Variants in RECK observed in about 807,000 individuals in gnomAD.
The protein encoded by RECK is reversion-inducing cysteine-rich protein with Kazal motifs.
Under a neutral mutation model 115.1 loss-of-function variants are expected in RECK, and 69 were observed. The observed-to-expected ratio is 0.60, with a 90% CI of 0.49 to 0.73. The LOEUF is 0.73. Among genes scored for constraint, RECK ranks in the 30% least tolerant of loss-of-function variants. The probability of loss-of-function intolerance (pLI) is 0.00; values close to 1 mark genes in which losing one functional copy is unlikely to be tolerated. For missense variants in RECK, 1,047 were observed against 1,203.7 expected (o/e 0.87, Z 1.93); for synonymous variants, 414 against 419.7 (o/e 0.99, Z 0.17).
chr9:36,047,041 T>C (rs552994937), intron 1 of RECK, among the ~76,000 whole-genome samples: 2 of 152,248 alleles, frequency 1.3e-5, no homozygotes, highest in Non-Finnish European at 2.9e-5. Flanking sequence ...CCTGATTGTT[T>C]ACTTTTTGCT....
chr9:36,089,984 AC>A (rs1300901386), intron 9 of RECK, among the ~76,000 whole-genome samples: 1 of 151,342 alleles, frequency 6.6e-6, no homozygotes, highest in African/African-American at 2.4e-5. Context: ...ACACACACAC[AC>A]ACACACACAC....
chr9:36,065,493 T>G, intron 5 of RECK, 84 bp from the exon 6 acceptor site: 1 of 1,056,856 alleles, frequency 9.5e-7, no homozygotes, highest in Non-Finnish European at 1.3e-6. Flanking sequence ...ATATCAGTAA[T>G]TAACAAATGC....
rs898232613 is a variant in RECK, at chr9:36,109,825, TA to T, written c.1766-131del. ...CGCCAGTGCACTCCAGCCTGGGCGATAGAATGAGACCCTTCTCAAAAAAAAA... is the reference window on the plus strand; with the variant it reads ...CGCCAGTGCACTCCAGCCTGGGCGATGAATGAGACCCTTCTCAAAAAAAAA... On this transcript the variant is annotated intron_variant, in intron 14 of 20. Transcript: ENST00000377966. 5 of 887,896 alleles carry T rather than the reference TA, an allele frequency of 5.6e-6. No individual in the cohort carries two copies. In the African/African-American group the frequency reaches 6.7e-5, roughly 12 times the overall value. The allele number at this position is 887,896 out of a possible 1,614,324, so 55.0% of individuals were successfully genotyped here. A position where few individuals can be genotyped will look rare whatever the true frequency, so the allele number is the denominator to read the frequency against.
chr9:36,097,021 A>G (rs967303204), intron 10 of RECK, among the ~76,000 whole-genome samples: 4 of 152,104 alleles, frequency 2.6e-5, no homozygotes, highest in African/African-American at 7.2e-5. Context: ...AAACAACTCA[A>G]TTTTAAAATT....
intron 2 of RECK, among the ~76,000 whole-genome samples, chr9:36,057,343 C>G (rs1183513151): frequency 6.6e-6 from 1 of 152,096 alleles, no homozygotes; most frequent in Non-Finnish European, 1.5e-5. Flanking sequence ...TCTTCCTTCT[C>G]TCGCTCTCTA....
chr9:36,086,226 C>T (rs1293438423), intron 8 of RECK: 1 of 152,190 alleles, frequency 6.6e-6, no homozygotes, highest in Non-Finnish European at 1.5e-5. Flanking sequence ...TATGTTACAA[C>T]TTAGATTAAT....
intron 19 of RECK, 93 bp downstream of exon 19, chr9:36,120,829 TAAAG>T: frequency 2.3e-6 from 2 of 884,848 alleles, no homozygotes; most frequent in Admixed American, 4.4e-5. Flanking sequence ...CATTCATAGA[TAAAG>T]AAACTAATCT....
At position 36,094,843 on chromosome 9, in the gene RECK, G is replaced by A. The variant is rs556942183; in HGVS notation, c.1085+3500G>A. Among the ~76,000 whole-genome samples, 2 of 152,180 alleles carry A rather than the reference G, an allele frequency of 1.3e-5. No homozygotes were observed. The highest frequency in any genetic ancestry group is 2.9e-5 in the Non-Finnish European group (2 of 67,994). ...AGAGAGAAATATTCAATCATATTCA[G>A]AAATGTTAACACCTCTCCCTCACTA... On this transcript the variant is annotated intron_variant, in intron 10 of 20. Coordinates refer to ENST00000377966, the MANE Select transcript of RECK (RefSeq NM_021111.3). The surrounding 1 kb of genome is among the most constrained non-coding windows in gnomAD (Gnocchi z 4.1).
chr9:36,056,907 T>A (rs1438971408), intron 2 of RECK: 54 of 858,072 alleles, frequency 6.3e-5, no homozygotes, highest in Non-Finnish European at 7.3e-5. Flanking sequence ...TTCTTAATTG[T>A]AGTTGGTAGT....
intron 17 of RECK, among the ~76,000 whole-genome samples, chr9:36,117,966 C>G (rs1469275797): frequency 6.6e-6 from 1 of 152,088 alleles, no homozygotes; most frequent in Non-Finnish European, 1.5e-5. Context: ...GGTGACAGAG[C>G]AAGACTCCAT....
intron 15 of RECK, among the ~76,000 whole-genome samples, chr9:36,111,543 C>A (rs948796359): frequency 6.6e-6 from 1 of 152,090 alleles, no homozygotes. Flanking sequence ...GACAGGCATG[C>A]GCCACCATGC....
intron 6 of RECK, chr9:36,072,739 C>T (rs1269973133): frequency 1.3e-5 from 2 of 152,136 alleles, no homozygotes; most frequent in African/African-American, 4.8e-5. Flanking sequence ...CCTATTAGGT[C>T]CTGCAGTACT....
At position 36,080,460 on chromosome 9, in the gene RECK, A is replaced by T. The variant is rs148449219; in HGVS notation, c.406-145A>T. ...TCCCTTTTTACCAGAATATCATTTCATAACTTCTGTGTTTTCAGTCTTGGA... is the reference window on the plus strand; with the variant it reads ...TCCCTTTTTACCAGAATATCATTTCTTAACTTCTGTGTTTTCAGTCTTGGA... On this transcript the variant is annotated intron_variant, in intron 6 of 20. Coordinates refer to ENST00000377966, the MANE Select transcript of RECK (RefSeq NM_021111.3). 5.8e-5 allele frequency: 40 copies of T among 695,166 alleles called. No individual in the cohort carries two copies. In the African/African-American group the frequency reaches 6.9e-4, roughly 12 times the overall value. The allele number at this position is 695,166 out of a possible 1,614,324, so 43.1% of individuals were successfully genotyped here.
Position 36,123,181 on chromosome 9 carries a change from T to A in RECK, c.*136T>A. ...CCTCTATTCGCCACACAGTATTTTT[T>A]TTTTTAATCCGCCAATATTAGTAGG... On this transcript the variant is annotated 3_prime_UTR_variant, in exon 21 of 21. Coordinates refer to ENST00000377966, the MANE Select transcript of RECK (RefSeq NM_021111.3). The A allele has an allele frequency of 1.6e-6, 1 of 630,710 alleles. No individual in the cohort carries two copies. The highest frequency in any genetic ancestry group is 2.8e-5 in the East Asian group (1 of 35,102). 39.1% of individuals were successfully genotyped at this position (630,710 alleles called of 1,614,324 possible).
chr9:36,084,706 A>AAGGAAGGGATGAAGGG (rs1207721408), intron 8 of RECK, among the ~76,000 whole-genome samples: 1 of 148,432 alleles, frequency 6.7e-6, no homozygotes, highest in African/African-American at 2.5e-5. Flanking sequence ...AGGAAGAAGG[A>AAGGAAGGGATGAAGGG]AGGAAGGGAT....
rs1477102488 is a variant in RECK, at chr9:36,087,788, T to C, written c.732T>C (p.Asp244=). 2 of 1,613,928 alleles carry C rather than the reference T, an allele frequency of 1.2e-6. No homozygotes were observed. The highest frequency in any genetic ancestry group is 1.7e-6 in the Non-Finnish European group (2 of 1,179,938). Reference sequence around the variant, plus strand: ...AGAAAACGGAAATGGAGATTGTTGATGGTCTCATCGAGGGTTGTAAGACCC... The same window carrying C: ...AGAAAACGGAAATGGAGATTGTTGACGGTCTCATCGAGGGTTGTAAGACCC... ...MSKKTEMEIV[D]GLIEGCKTQP... is the part of the protein sequence containing the mutation. The change falls in exon 9 of 21, where the codon GAT becomes GAC. Residue 244 remains aspartate (D), a synonymous_variant. Transcript: ENST00000377966.
intron 8 of RECK, among the ~76,000 whole-genome samples, chr9:36,086,716 C>A (rs1336933033): frequency 6.6e-6 from 1 of 152,156 alleles, no homozygotes; most frequent in Non-Finnish European, 1.5e-5. Context: ...CTTTAGCTAG[C>A]CAGAAAAGTT....
intron 10 of RECK, among the ~76,000 whole-genome samples, chr9:36,095,107 A>AAG (rs1404842874): frequency 6.6e-6 from 1 of 152,232 alleles, no homozygotes; most frequent in Non-Finnish European, 1.5e-5. Flanking sequence ...ATCACAAAGG[A>AAG]AATGCTTGAA....
In RECK at chr9:36,121,618, G is replaced by A. The variant is rs1210118759; in HGVS notation, c.2624G>A (p.Gly875Glu). The A allele has an allele frequency of 2.5e-6, 4 of 1,614,166 alleles. No individual in the cohort carries two copies. The highest frequency in any genetic ancestry group is 2.5e-6 in the Non-Finnish European group (3 of 1,179,990). ...TCTGTCCCACAGTGTGATGTGTTTG[G>A]ATACTTCAGCATTGAATCAGAAATT... ...HVSVPQCDVF[G>E]YFSIESEIVI... The change falls in exon 20 of 21, where the codon GGA becomes GAA. Residue 875 changes from glycine to glutamate, a missense_variant. Transcript: ENST00000377966.
Sources: allele counts gnomAD v4.1 joint callset (sites outside exome capture counted in the v4.1 genomes callset), GRCh38; gene constraint gnomAD v4.1.1; non-coding constraint Gnocchi (gnomAD v3.1); transcripts MANE v1.5; gene names NCBI Gene and HGNC (gene_info 2026-07-23, HGNC 2026-07-21).